RAB3GAP1: variants seen among roughly 807,000 people sequenced by gnomAD.
The protein encoded by RAB3GAP1 is rab3 GTPase-activating protein catalytic subunit.
In RAB3GAP1, 86 loss-of-function variants were observed where a neutral mutation model predicts 130.7. The observed-to-expected ratio is 0.66, with a 90% CI of 0.55 to 0.79. The LOEUF is 0.79. Ranked by LOEUF, RAB3GAP1 falls within the 30% of genes least tolerant of loss-of-function variation. RAB3GAP1 has a pLI of 0.00. For missense variants in RAB3GAP1, 1,029 were observed against 1,169.4 expected (o/e 0.88, Z 1.75); for synonymous variants, 367 against 401.7 (o/e 0.91, Z 1.03).
intron 23 of RAB3GAP1, 61 bp from the exon 24 acceptor site, chr2:135,168,484 C>G: frequency 7.5e-7 from 1 of 1,329,808 alleles, no homozygotes; most frequent in African/African-American, 1.4e-5. Flanking sequence ...ATCTGTCCTT[C>G]AAAAGCATCT....
intron 9 of RAB3GAP1, among the ~76,000 whole-genome samples, chr2:135,124,898 A>G (rs1207227885): frequency 2.0e-5 from 3 of 152,022 alleles, no homozygotes; most frequent in African/African-American, 7.2e-5. Context: ...TAAAATATTT[A>G]CTCTCTGGCT....
At chr2:135,085,705 A>G (rs755678161) in intron 3 of RAB3GAP1, among the ~76,000 whole-genome samples, 1 of 151,804 alleles carries the variant, frequency 6.6e-6, no homozygotes, top group African/African-American at 2.4e-5. Flanking sequence ...CCTCTCACCA[A>G]CCCTCACATT....
chr2:135,144,008 C>A (rs1317557028), intron 17 of RAB3GAP1, among the ~76,000 whole-genome samples: 1 of 152,166 alleles, frequency 6.6e-6, no homozygotes, highest in Non-Finnish European at 1.5e-5. Context: ...CCCGCTGGGG[C>A]CCTCTGTGGC....
chr2:135,148,551 G>A (rs938083070), intron 17 of RAB3GAP1, among the ~76,000 whole-genome samples: 1 of 146,736 alleles, frequency 6.8e-6, no homozygotes, highest in Non-Finnish European at 1.5e-5. Flanking sequence ...CCTGAGTGCA[G>A]TGGCGTGATC....
chr2:135,153,630 T>A lies in RAB3GAP1; in HGVS notation c.2062-19T>A. ...TTGATTTTCATTTGATTCTGCTGAA[T>A]TTTTTTGTCTTATTTTAGGCAGCTA... On this transcript the variant is annotated intron_variant, in intron 18 of 23. Coordinates refer to ENST00000264158, the MANE Select transcript of RAB3GAP1 (RefSeq NM_012233.3). 1.2e-6 allele frequency: 2 copies of A among 1,609,522 alleles called. No individual in the cohort carries two copies. Among genetic ancestry groups the A allele is most frequent in the Non-Finnish European group, 1.7e-6 (2 of 1,175,790 alleles).
chr2:135,173,422 A>C (rs977545148), downstream of RAB3GAP1, among the ~76,000 whole-genome samples: 12 of 152,208 alleles, frequency 7.9e-5, no homozygotes, highest in Middle Eastern at 3.4e-3. Context: ...AGAAGCTAAG[A>C]AAAAACATAC....
At chr2:135,164,483 T>C (rs1438327787) in intron 22 of RAB3GAP1, 111 bp from the exon 23 acceptor site, 1 of 790,528 alleles carries the variant, frequency 1.3e-6, no homozygotes, top group Non-Finnish European at 2.2e-6. Context: ...TTGTTGGGTT[T>C]AGCCAGTATC....
At chr2:135,092,461 A>T (rs1228883790) in intron 4 of RAB3GAP1, among the ~76,000 whole-genome samples, 3 of 152,134 alleles carry the variant, frequency 2.0e-5, no homozygotes, top group African/African-American at 7.2e-5. Flanking sequence ...TTTGAGACTG[A>T]GTTTCACTCT....
chr2:135,146,407 TCA>T (rs1691995805), intron 17 of RAB3GAP1, among the ~76,000 whole-genome samples: 1 of 152,066 alleles, frequency 6.6e-6, no homozygotes, highest in African/African-American at 2.4e-5. Flanking sequence ...AAATGGGATT[TCA>T]CCATTTTGGT....
intron 3 of RAB3GAP1, among the ~76,000 whole-genome samples, chr2:135,087,232 G>A (rs900218415): frequency 2.0e-5 from 3 of 152,144 alleles, no homozygotes; most frequent in Non-Finnish European, 4.4e-5. Flanking sequence ...ATGTAAGTGC[G>A]AATGTTATTT....
At position 135,150,380 on chromosome 2, in the gene RAB3GAP1, T is replaced by G. The variant is rs756548823; in HGVS notation, c.1935T>G (p.Pro645=). 1 of 1,614,218 alleles carries G rather than the reference T, an allele frequency of 6.2e-7. No individual in the cohort carries two copies. Among genetic ancestry groups the G allele is most frequent in the South Asian group, 1.1e-5 (1 of 91,084 alleles). The change falls in exon 18 of 24, where the codon CCT becomes CCG. Residue 645 remains proline (P), a synonymous_variant. Coordinates refer to ENST00000264158, the MANE Select transcript of RAB3GAP1 (RefSeq NM_012233.3). Reference sequence around the variant, plus strand: ...TTTGTGCTTCACAGGAACCAGCACCTATGACAGAAGATCTGCTAGAAGAGC... The same window carrying G: ...TTTGTGCTTCACAGGAACCAGCACCGATGACAGAAGATCTGCTAGAAGAGC... ...LYIPVTQEPA[P]MTEDLLEEQS...
chr2:135,063,068 A>G (rs1403455540), intron 3 of RAB3GAP1, among the ~76,000 whole-genome samples: 1 of 152,210 alleles, frequency 6.6e-6, no homozygotes, highest in Non-Finnish European at 1.5e-5. Context: ...GCAAGTAGAC[A>G]TCCTTGCCCT....
chr2:135,144,136 C>T (rs570478492), intron 17 of RAB3GAP1, among the ~76,000 whole-genome samples: 4 of 152,306 alleles, frequency 2.6e-5, no homozygotes, highest in African/African-American at 7.2e-5. Context: ...CTAACTCAAG[C>T]GTGCCCTAAC....
Position 135,099,061 on chromosome 2 carries a change from T to C in RAB3GAP1, c.362+5368T>C, listed in dbSNP as rs147477815. Among the ~76,000 whole-genome samples the C allele has an allele frequency of 2.1e-3, 326 of 152,290 alleles. 2 individuals carry two copies. The highest frequency in any genetic ancestry group is 3.9e-3 in the Non-Finnish European group (262 of 68,012). On this transcript the variant is annotated intron_variant, in intron 5 of 23. Transcript: ENST00000264158. The stretch of plus-strand genomic sequence containing the variant: ...TGAAGCAGTCTGTTCATTTTTTTTT[T>C]CTGTTTAAAACTGGCTAGGGCTTCC...
intron 3 of RAB3GAP1, among the ~76,000 whole-genome samples, chr2:135,069,796 C>A (rs1029099919): frequency 6.6e-6 from 1 of 152,192 alleles, no homozygotes; most frequent in African/African-American, 2.4e-5. Flanking sequence ...CCCCTGCCCT[C>A]CCTCACCTCC....
intron 11 of RAB3GAP1, 86 bp from the exon 12 acceptor site, chr2:135,129,909 T>G (rs980724632): frequency 4.4e-6 from 4 of 908,882 alleles, no homozygotes; most frequent in Admixed American, 2.2e-5. Context: ...AGTTAATAGC[T>G]TTTGTGGAAA....
In RAB3GAP1 at chr2:135,168,763, A is replaced by G. The variant is rs1692744640; in HGVS notation, c.2928A>G (p.Ser976=). The G allele has an allele frequency of 6.2e-7, 1 of 1,613,260 alleles. No individual in the cohort carries two copies. Among genetic ancestry groups the G allele is most frequent in the African/African-American group, 1.3e-5 (1 of 74,914 alleles). Residue 976 remains serine (S), a synonymous_variant, in exon 24 of 24, where the codon TCA becomes TCG. Transcript: ENST00000264158. ...EDFRLAGAFS[S]DTSFF ...TTAGACTTGCAGGTGCCTTTTCATC[A>G]GATACTTCCTTCTTCTGATTCTTCT...
Position 135,112,824 on chromosome 2 carries a change from TCTCTCTCTCTCA to T in RAB3GAP1, c.363-325_363-314del, listed in dbSNP as rs202234236. ...ATTTACAACTGTCAAAGTCTCTCTC[TCTCTCTCTCTCA>T]CACACACACACACACACACACACAC... On this transcript the variant is annotated intron_variant, in intron 5 of 23. Transcript: ENST00000264158. Among the ~76,000 whole-genome samples the T allele has an allele frequency of 0.055, 7,555 of 136,832 alleles. 342 individuals are homozygous for T. The highest frequency in any genetic ancestry group is 0.17 in the African/African-American group (5,187 of 31,290). The allele number at this position is 136,832 out of a possible 152,430, so 89.8% of individuals were successfully genotyped here.
chr2:135,055,830 A>G (rs1366056970), intron 2 of RAB3GAP1, among the ~76,000 whole-genome samples: 1 of 143,910 alleles, frequency 6.9e-6, no homozygotes, highest in South Asian at 2.2e-4. Flanking sequence ...ATTTTTTGAC[A>G]TATTTCCTTT....
Sources: gnomAD v4.1 joint callset for allele counts (sites outside exome capture counted in the v4.1 genomes callset) on GRCh38, gnomAD v4.1.1 for gene constraint, MANE v1.5 for transcripts, NCBI Gene and HGNC (gene_info 2026-07-23, HGNC 2026-07-21) for gene names.